Variants in ANO4 observed in about 807,000 individuals in gnomAD.
The protein encoded by ANO4 is anoctamin-4.
In ANO4, 69 loss-of-function variants were observed where a neutral mutation model predicts 141.9. The observed-to-expected ratio is 0.49, with a 90% CI of 0.40 to 0.59. The LOEUF (loss-of-function observed/expected upper bound fraction) is 0.59. ANO4 is among the 20% of genes least tolerant of loss of function. The pLI, the probability that ANO4 is intolerant of heterozygous loss-of-function variation, is 0.00. For missense variants in ANO4, 894 were observed against 1,162.2 expected (o/e 0.77, Z 3.36); for synonymous variants, 350 against 394.3 (o/e 0.89, Z 1.33).
At chr12:100,914,670 T>C (rs1767094091) in intron 2 of ANO4, among the ~76,000 whole-genome samples, 1 of 152,164 alleles carries the variant, frequency 6.6e-6, no homozygotes, top group African/African-American at 2.4e-5. Context: ...CCAGTAGCAT[T>C]TCCTACATGT....
chr12:101,034,778 G>A (rs1047674307), intron 9 of ANO4, among the ~76,000 whole-genome samples: 1 of 152,054 alleles, frequency 6.6e-6, no homozygotes, highest in East Asian at 1.9e-4. Flanking sequence ...CATTTCACAA[G>A]AGAAGATATA....
chr12:101,033,292 GA>G (rs1174473825), intron 9 of ANO4, among the ~76,000 whole-genome samples: 3 of 145,364 alleles, frequency 2.1e-5, no homozygotes, highest in Admixed American at 7.1e-5. Context: ...TCAGGAAGGG[GA>G]ACATCACACT....
At position 100,975,653 on chromosome 12, in the gene ANO4, C is replaced by G. The variant is rs577718633; in HGVS notation, c.602+764C>G. Among the ~76,000 whole-genome samples, 17 of 151,926 alleles carry G rather than the reference C, an allele frequency of 1.1e-4. No homozygotes were observed. In the East Asian group the frequency reaches 3.3e-3, roughly 30 times the overall value. ...AGAGGGTTTCACCGTGTTGGCCAGG[C>G]TAGTCTCGAACTCCTGACCTCAGGC... is the stretch of plus-strand genomic sequence containing the variant. On this transcript the variant is annotated intron_variant, in intron 7 of 27. Coordinates refer to ENST00000392977, the MANE Select transcript of ANO4 (RefSeq NM_001286615.2).
intron 1 of ANO4, among the ~76,000 whole-genome samples, chr12:100,889,122 C>T (rs1306672516): frequency 1.4e-5 from 2 of 147,750 alleles, no homozygotes; most frequent in East Asian, 2.0e-4. Flanking sequence ...TGAGTGAGAA[C>T]ATGTGGTGTT....
intron 1 of ANO4, among the ~76,000 whole-genome samples, chr12:100,800,854 A>G (rs1034533474): frequency 6.6e-6 from 1 of 152,226 alleles, no homozygotes; most frequent in Non-Finnish European, 1.5e-5. Flanking sequence ...CTCTAGGAGT[A>G]CCAAAACCAT....
intron 14 of ANO4, among the ~76,000 whole-genome samples, chr12:101,057,715 T>TA (rs2048179639): frequency 6.6e-6 from 1 of 152,180 alleles, no homozygotes; most frequent in South Asian, 2.1e-4. Context: ...GGGTTGTTTG[T>TA]ATTTTCCTGT....
intron 1 of ANO4, among the ~76,000 whole-genome samples, chr12:100,811,926 CCT>C (rs1166439888): frequency 2.0e-5 from 3 of 152,082 alleles, no homozygotes; most frequent in East Asian, 1.9e-4. Context: ...CTAACTGGCC[CCT>C]GTTTTGTATA....
intron 14 of ANO4, among the ~76,000 whole-genome samples, chr12:101,076,541 G>A (rs2049031451): frequency 6.6e-6 from 1 of 152,200 alleles, no homozygotes; most frequent in African/African-American, 2.4e-5. Context: ...CTGAAGAAGG[G>A]TGATGGAATA....
At chr12:100,991,806 A>AATAG (rs1198295557) in intron 8 of ANO4, among the ~76,000 whole-genome samples, 2 of 152,230 alleles carry the variant, frequency 1.3e-5, no homozygotes, top group African/African-American at 4.8e-5. Context: ...AAAATAAATG[A>AATAG]ATAGATAGAA....
intron 14 of ANO4, among the ~76,000 whole-genome samples, chr12:101,076,295 T>C (rs1250355723): frequency 2.0e-5 from 3 of 152,086 alleles, no homozygotes; most frequent in Non-Finnish European, 2.9e-5. Context: ...TCTCCCACCA[T>C]GTAAGGGCAC....
chr12:100,986,609 A>G (rs1238171982), intron 7 of ANO4, among the ~76,000 whole-genome samples: 8 of 152,208 alleles, frequency 5.3e-5, no homozygotes, highest in African/African-American at 1.9e-4. Flanking sequence ...CCATGTAAAT[A>G]TATTGTTTTA....
intron 13 of ANO4, among the ~76,000 whole-genome samples, chr12:101,046,104 G>A (rs144320451): frequency 7.7e-4 from 117 of 152,366 alleles, no homozygotes; most frequent in African/African-American, 2.6e-3. Context: ...CCCCAGGCAC[G>A]ACTGAGTGCT....
At chr12:100,913,641 G>T (rs1185825827) in intron 2 of ANO4, among the ~76,000 whole-genome samples, 2 of 152,192 alleles carry the variant, frequency 1.3e-5, no homozygotes, top group African/African-American at 4.8e-5. Context: ...TCCACTGGGG[G>T]TCTTGGAATG....
intron 3 of ANO4, among the ~76,000 whole-genome samples, chr12:100,777,832 A>G (rs1218065618): frequency 6.6e-6 from 1 of 151,998 alleles, no homozygotes; most frequent in Non-Finnish European, 1.5e-5. Flanking sequence ...TTGTTCAGGA[A>G]TGTTCTTACT....
chr12:101,069,055 G>T (rs2048708206), intron 14 of ANO4: 2 of 868,424 alleles, frequency 2.3e-6, no homozygotes, highest in Non-Finnish European at 4.0e-6. Context: ...ACTAGGAGGA[G>T]TGCTGCCAGA....
At chr12:101,110,684 G>A (rs1480385510) in intron 23 of ANO4, 128 bp downstream of exon 23, 4 of 812,506 alleles carry the variant, frequency 4.9e-6, no homozygotes, top group Non-Finnish European at 6.9e-6. Flanking sequence ...TTTTTGCAAA[G>A]AATAATTATA....
At chr12:100,762,412 G>T (rs17030556) in intron 3 of ANO4, among the ~76,000 whole-genome samples, 1 of 152,096 alleles carries the variant, frequency 6.6e-6, no homozygotes, top group East Asian at 1.9e-4. Flanking sequence ...GATATGTGCT[G>T]GTCCCAGTGG....
intron 1 of ANO4, among the ~76,000 whole-genome samples, chr12:100,852,954 G>A (rs1264050859): frequency 6.6e-6 from 1 of 152,114 alleles, no homozygotes; most frequent in African/African-American, 2.4e-5. Context: ...GGCGCCAGAG[G>A]TATAACCTTC....
At chr12:100,831,006 G>A (rs1242251701) in intron 1 of ANO4, among the ~76,000 whole-genome samples, 1 of 152,000 alleles carries the variant, frequency 6.6e-6, no homozygotes, top group Admixed American at 6.6e-5. Context: ...ATCTATTTCT[G>A]CCTCACTAAG....
Sources: allele counts gnomAD v4.1 joint callset (sites outside exome capture counted in the v4.1 genomes callset), GRCh38; gene constraint gnomAD v4.1.1; transcripts MANE v1.5; gene names NCBI Gene and HGNC (gene_info 2026-07-23, HGNC 2026-07-21).